The following TPTE2 variants were observed in gnomAD, a reference collection of about 807,000 sequenced individuals.
The protein encoded by TPTE2 is phosphatidylinositol 3,4,5-trisphosphate 3-phosphatase TPTE2.
A neutral mutation model predicts 78.6 loss-of-function variants in TPTE2; 53 were observed. The ratio of observed to expected loss-of-function variants is 0.67; its 90% CI spans 0.54 to 0.85. The LOEUF (loss-of-function observed/expected upper bound fraction) is 0.85. Ranked by LOEUF, TPTE2 falls within the 40% of genes least tolerant of loss-of-function variation. TPTE2 has a pLI of 0.00. For synonymous variants in TPTE2, 175 were observed against 206.2 expected, an observed-to-expected ratio of 0.85 and a Z score of 1.30; for missense variants, 461 against 623.0, an observed-to-expected ratio of 0.74 and a Z score of 2.77.
chr13:19,471,196 C>T (rs1028388845), intron 6 of TPTE2, among the ~76,000 whole-genome samples: 6 of 152,160 alleles, frequency 3.9e-5, no homozygotes, highest in African/African-American at 1.2e-4. Context: ...GCGTGAACCA[C>T]CACACCTGGA....
chr13:19,560,829 C>G, the TPTE2 span: 1 of 1,532,012 alleles, frequency 6.5e-7, no homozygotes, highest in Non-Finnish European at 8.9e-7. Flanking sequence ...GCGGTCCAGG[C>G]GCGCTCCCGC....
At chr13:19,557,103 C>T in the TPTE2 span, among the ~76,000 whole-genome samples, 2 of 152,134 alleles carry the variant, frequency 1.3e-5, no homozygotes, top group South Asian at 4.2e-4. Flanking sequence ...CAGTAAGCTG[C>T]CTAAGGGCAG....
intron 10 of TPTE2, among the ~76,000 whole-genome samples, chr13:19,455,218 A>G (rs2137540514): frequency 6.6e-6 from 1 of 152,356 alleles, no homozygotes; most frequent in South Asian, 2.1e-4. Context: ...TTTTTATACA[A>G]CTGCTGAAGT....
Position 19,427,079 on chromosome 13 carries a change from C to CTTTTTTTTTTTTTTTTTTTTTT in TPTE2, c.1303-584_1303-563dup, listed in dbSNP as rs55904352. ...CTTTTCTTTTTTTTTCTTTTCTTTT[C>CTTTTTTTTTTTTTTTTTTTTTT]TTTTTTTTTTTTTTTTTTTTTTTGA... On this transcript the variant is annotated intron_variant, in intron 17 of 19. Transcript: ENST00000400230. 1.2e-3 allele frequency among the ~76,000 whole-genome samples: 82 copies of CTTTTTTTTTTTTTTTTTTTTTT among 67,294 alleles called. 3 individuals carry two copies. Among genetic ancestry groups the CTTTTTTTTTTTTTTTTTTTTTT allele is most frequent in the African/African-American group, 1.5e-3 (24 of 15,528 alleles). 44.1% of individuals were successfully genotyped at this position (67,294 alleles called of 152,430 possible). A position where few individuals can be genotyped will look rare whatever the true frequency, so the allele number is the denominator to read the frequency against.
chr13:19,478,226 C>A (rs1806095485), intron 4 of TPTE2, among the ~76,000 whole-genome samples: 2 of 152,020 alleles, frequency 1.3e-5, no homozygotes, highest in South Asian at 4.1e-4. Context: ...AACAGGCAAC[C>A]TACAGAATGG....
intron 10 of TPTE2, among the ~76,000 whole-genome samples, chr13:19,451,715 T>C (rs2137532596): frequency 6.6e-6 from 1 of 152,088 alleles, no homozygotes; most frequent in Middle Eastern, 3.4e-3. Context: ...AAGATAAACA[T>C]ATCAAATTTT....
At chr13:19,448,245 T>C in intron 13 of TPTE2, among the ~76,000 whole-genome samples, 1 of 152,104 alleles carries the variant, frequency 6.6e-6, no homozygotes, top group East Asian at 1.9e-4. Flanking sequence ...TAGGTGAAAA[T>C]CTTCTTGACA....
At chr13:19,547,337 C>T in the TPTE2 span, among the ~76,000 whole-genome samples, 10 of 152,078 alleles carry the variant, frequency 6.6e-5, no homozygotes, top group Non-Finnish European at 1.3e-4. Context: ...TCAGAAAACA[C>T]CATTGATATC....
chr13:19,497,217 TG>T (rs1257996924), intron 1 of TPTE2, among the ~76,000 whole-genome samples: 1 of 148,188 alleles, frequency 6.7e-6, no homozygotes, highest in Non-Finnish European at 1.5e-5. Flanking sequence ...GCAGCGAGGC[TG>T]GGGGAGGGGC....
At chr13:19,464,370 C>T (rs1314037171) in intron 10 of TPTE2, 86 bp downstream of exon 13, 4 of 1,261,942 alleles carry the variant, frequency 3.2e-6, no homozygotes, top group Non-Finnish European at 3.4e-6. Flanking sequence ...TAAAAGAATA[C>T]TGCCATATCT....
At chr13:19,449,186 T>A (rs886792380) in intron 13 of TPTE2, among the ~76,000 whole-genome samples, 1 of 152,078 alleles carries the variant, frequency 6.6e-6, no homozygotes, top group Non-Finnish European at 1.5e-5. Context: ...TTATTGTTAT[T>A]TTTTTAGATG....
chr13:19,504,204 C>T (rs1430816780), upstream of TPTE2, among the ~76,000 whole-genome samples: 4 of 152,100 alleles, frequency 2.6e-5, no homozygotes, highest in Non-Finnish European at 4.4e-5. Flanking sequence ...TACTCACAAG[C>T]GATGTTTAGT....
intron 3 of TPTE2, among the ~76,000 whole-genome samples, chr13:19,485,980 T>C (rs536690818): frequency 6.6e-6 from 1 of 152,304 alleles, no homozygotes; most frequent in East Asian, 1.9e-4. Flanking sequence ...CTGAGTTTCC[T>C]TAAGATTATT....
intron 14 of TPTE2, among the ~76,000 whole-genome samples, chr13:19,436,990 T>C (rs1369213052): frequency 6.6e-6 from 1 of 151,666 alleles, no homozygotes; most frequent in Non-Finnish European, 1.5e-5. Flanking sequence ...TCAATGACTT[T>C]CAAACCTTTT....
chr13:19,460,712 G>A (rs1365362266), intron 10 of TPTE2, among the ~76,000 whole-genome samples: 1 of 152,070 alleles, frequency 6.6e-6, no homozygotes, highest in Non-Finnish European at 1.5e-5. Flanking sequence ...CTGCAGAGAG[G>A]TACTCCTTCC....
At chr13:19,441,772 T>C (rs1187442797) in intron 13 of TPTE2, among the ~76,000 whole-genome samples, 28 of 152,204 alleles carry the variant, frequency 1.8e-4, no homozygotes, top group Non-Finnish European at 3.7e-4. Context: ...CTCTTCACTG[T>C]TTCCATTTAA....
At chr13:19,523,367 G>GA (rs142327380) in intron 1 of TPTE2, among the ~76,000 whole-genome samples, 3,854 of 152,294 alleles carry the variant, frequency 0.025, 125 homozygotes, top group African/African-American at 0.074. Flanking sequence ...TCAGAGATCT[G>GA]AAAAGTTGCT....
chr13:19,495,895 GTC>G (rs1174930783), intron 1 of TPTE2, among the ~76,000 whole-genome samples: 1 of 152,056 alleles, frequency 6.6e-6, no homozygotes, highest in African/African-American at 2.4e-5. Context: ...TTGAGACAGA[GTC>G]TCACTCTGTC....
chr13:19,509,043 C>T (rs1162866784), intron 1 of TPTE2, among the ~76,000 whole-genome samples: 1 of 151,920 alleles, frequency 6.6e-6, no homozygotes, highest in African/African-American at 2.4e-5. Flanking sequence ...TACTGAATAC[C>T]TCTTATGTTA....
Sources: gnomAD v4.1 joint callset for allele counts (sites outside exome capture counted in the v4.1 genomes callset) on GRCh38, gnomAD v4.1.1 for gene constraint, MANE v1.5 for transcripts, NCBI Gene and HGNC (gene_info 2026-07-23, HGNC 2026-07-21) for gene names.